AKT1: variants seen among roughly 807,000 people sequenced by gnomAD.
The protein encoded by AKT1 is AKT serine/threonine kinase 1.
In AKT1, 21 loss-of-function variants were observed where a neutral mutation model predicts 63.1. The observed-to-expected ratio is 0.33, with a 90% CI of 0.24 to 0.48. The LOEUF (loss-of-function observed/expected upper bound fraction) is 0.48, where lower values mean the gene tolerates loss of function less well. Among genes scored for constraint, AKT1 ranks in the 20% least tolerant of loss-of-function variants. The pLI is 0.99. For synonymous variants in AKT1, 257 were observed against 253.1 expected, an observed-to-expected ratio of 1.02 and a Z score of -0.15; for missense variants, 382 against 666.0, an observed-to-expected ratio of 0.57 and a Z score of 4.69.
chr14:104,771,187 CTTAT>C (rs1252105457), intron 13 of AKT1: 1 of 312,424 alleles, frequency 3.2e-6, no homozygotes, highest in Non-Finnish European at 6.0e-6. Flanking sequence ...TTCTTGTTTT[CTTAT>C]TTTTCTTATT....
chr14:104,780,332 G>A, intron 3 of AKT1, 116 bp from the exon 4 acceptor site: 1 of 1,424,980 alleles, frequency 7.0e-7, no homozygotes, highest in Admixed American at 2.2e-5. Context: ...CTGAGTCCCA[G>A]GGGGCAGGCG....
chr14:104,782,327 C>G (rs1269500484), intron 3 of AKT1, among the ~76,000 whole-genome samples: 1 of 152,172 alleles, frequency 6.6e-6, no homozygotes, highest in African/African-American at 2.4e-5. Flanking sequence ...TGATGAGCGC[C>G]CAGGCCCGGC....
At chr14:104,774,211 T>G (rs1451700925) in intron 8 of AKT1, 8 of 495,250 alleles carry the variant, frequency 1.6e-5, no homozygotes, top group Non-Finnish European at 2.2e-5. Context: ...CACATCACAC[T>G]GCCCCCATGC....
Position 104,773,275 on chromosome 14 carries a change from G to A in AKT1, c.933C>T (p.Gly311=), listed in dbSNP as rs1892503120. ...CCTCGGGGGCCAGGTACTCAGGTGT[G>A]CCGCAAAAGGTCTTCATGGTGGCAC... ...KDGATMKTFC[G]TPEYLAPEVL... The change falls in exon 11 of 15, where the codon GGC becomes GGT. Residue 311 remains glycine, a synonymous_variant. Transcript: ENST00000649815. The A allele has an allele frequency of 6.2e-7, 1 of 1,614,210 alleles. No individual in the cohort carries two copies. The highest frequency in any genetic ancestry group is 8.5e-7 in the Non-Finnish European group (1 of 1,180,018).
chr14:104,779,536 T>TGCC (rs1026495103), intron 4 of AKT1, among the ~76,000 whole-genome samples: 16 of 152,286 alleles, frequency 1.1e-4, no homozygotes, highest in African/African-American at 3.9e-4. Flanking sequence ...TGGGCTCTGC[T>TGCC]GCCACTTGTC....
intron 8 of AKT1, 58 bp from the exon 9 acceptor site, chr14:104,774,038 A>C: frequency 6.6e-7 from 1 of 1,509,878 alleles, no homozygotes; most frequent in Non-Finnish European, 9.1e-7. Context: ...GCCCCGCACC[A>C]CGCTGCCCGA....
chr14:104,770,508 A>G, intron 14 of AKT1, 88 bp from the exon 15 acceptor site: 6 of 1,306,490 alleles, frequency 4.6e-6, no homozygotes, highest in Non-Finnish European at 6.3e-6. Context: ...CAACCTCTTA[A>G]AGCACGGCCA....
At chr14:104,772,344 A>G (rs1892438620) in intron 13 of AKT1, 21 bp downstream of exon 13, 1 of 1,613,528 alleles carries the variant, frequency 6.2e-7, no homozygotes, top group East Asian at 2.2e-5. Flanking sequence ...GTGCGCGTGA[A>G]TATGCGGGGA....
intron 3 of AKT1, among the ~76,000 whole-genome samples, chr14:104,787,669 A>T (rs1035385430): frequency 1.3e-5 from 2 of 152,340 alleles, no homozygotes; most frequent in Middle Eastern, 6.8e-3. Context: ...AGGCCCCAGC[A>T]CAGGAATCAT....
chr14:104,774,868 T>C, intron 8 of AKT1, 70 bp downstream of exon 8: 1 of 1,509,996 alleles, frequency 6.6e-7, no homozygotes, highest in Non-Finnish European at 9.0e-7. Context: ...CAGGACATCG[T>C]CCCCTAGAGA....
chr14:104,772,098 G>A (rs1398832872), intron 13 of AKT1: 1 of 566,036 alleles, frequency 1.8e-6, no homozygotes, highest in Non-Finnish European at 3.2e-6. Flanking sequence ...CCTCCGAGGG[G>A]AGGAGGAAAC....
At chr14:104,772,218 A>G (rs1472535423) in intron 13 of AKT1, 147 bp downstream of exon 13, 1 of 873,826 alleles carries the variant, frequency 1.1e-6, no homozygotes, top group Non-Finnish European at 1.8e-6. Flanking sequence ...AGGTTGGTGC[A>G]GCAAGGCCCT....
intron 4 of AKT1, 138 bp from the exon 5 acceptor site, chr14:104,776,908 C>T (rs995694519): frequency 1.5e-5 from 10 of 662,474 alleles, no homozygotes; most frequent in Non-Finnish European, 2.6e-5. Context: ...TTCCTCTCTC[C>T]AAGCCTCAGT....
At chr14:104,772,557 C>T (rs1566816120) in intron 12 of AKT1, 105 bp from the exon 13 acceptor site, 6 of 1,179,110 alleles carry the variant, frequency 5.1e-6, no homozygotes, top group Non-Finnish European at 7.4e-6. Context: ...CAGGACGTTC[C>T]GGGGCCAGGG....
chr14:104,779,370 G>A (rs1426583287), intron 4 of AKT1, among the ~76,000 whole-genome samples: 1 of 152,220 alleles, frequency 6.6e-6, no homozygotes, highest in Non-Finnish European at 1.5e-5. Flanking sequence ...GCAGGGAGAG[G>A]CACGAGCTCT....
intron 3 of AKT1, among the ~76,000 whole-genome samples, chr14:104,781,305 A>AT (rs1319957465): frequency 2.0e-5 from 3 of 152,076 alleles, no homozygotes; most frequent in Non-Finnish European, 2.9e-5. Flanking sequence ...TTTTCATGCC[A>AT]CACTGAGCCC....
At chr14:104,771,805 C>A (rs1404574621) in intron 13 of AKT1, 1 of 239,076 alleles carries the variant, frequency 4.2e-6, no homozygotes, top group Non-Finnish European at 8.2e-6. Flanking sequence ...ATGGCCAGGG[C>A]TCCTAGGGTC....
intron 8 of AKT1, 130 bp downstream of exon 8, chr14:104,774,808 C>T: frequency 9.6e-7 from 1 of 1,037,450 alleles, no homozygotes; most frequent in Non-Finnish European, 1.4e-6. Flanking sequence ...AGGCCTGTCT[C>T]ACCAGCGGCG....
rs1893835327 is a variant in AKT1 at position 104,795,303 on chromosome 14, T to G, written c.-258+181A>C. On this transcript the variant is annotated intron_variant, in intron 1 of 14. Coordinates refer to ENST00000649815, the MANE Select transcript of AKT1 (RefSeq NM_001382430.1). This position sits in a 1 kb window ranked among gnomAD's most constrained non-coding sequence, Gnocchi z 5.1. ...GCGCCCGGCGTGGGGCCGCCCTCCC[T>G]TGGCCGGGCCCGCGCGCCCCGCGCC... Among the ~76,000 whole-genome samples the G allele has an allele frequency of 6.7e-6, 1 of 150,062 alleles. No homozygotes were observed. The highest frequency in any genetic ancestry group is 2.1e-4 in the South Asian group (1 of 4,824).
Sources: allele counts gnomAD v4.1 joint callset (sites outside exome capture counted in the v4.1 genomes callset), GRCh38; gene constraint gnomAD v4.1.1; non-coding constraint Gnocchi (gnomAD v3.1); transcripts MANE v1.5; gene names NCBI Gene and HGNC (gene_info 2026-07-23, HGNC 2026-07-21).